The following NAV2 variants were observed in gnomAD, a reference collection of about 807,000 sequenced individuals.
NAV2 encodes the protein helicase, APC down-regulated 1.
NAV2 carries 54 observed loss-of-function variants against 223.2 expected under a neutral mutation model. The observed-to-expected ratio is 0.24, with a 90% confidence interval of 0.19 to 0.30. NAV2 has a LOEUF of 0.30. NAV2 is among the 10% of genes least tolerant of loss of function. The pLI is 1.00. For missense variants in NAV2, 2,806 were observed against 3,147.5 expected (o/e 0.89, Z 2.60); for synonymous variants, 1,279 against 1,239.3 (o/e 1.03, Z -0.67).
intron 1 of NAV2, among the ~76,000 whole-genome samples, chr11:19,553,177 A>C (rs546900339): frequency 1.4e-3 from 209 of 152,232 alleles, no homozygotes; most frequent in Non-Finnish European, 2.5e-3. Context: ...CTTTCAATGC[A>C]TAGCCCCATC....
rs1423003439 is a variant in NAV2 at position 19,746,821 on chromosome 11, T to A, written c.267+32859T>A. 2.0e-5 allele frequency among the ~76,000 whole-genome samples: 3 copies of A among 152,140 alleles called. No homozygotes were observed. In the East Asian group the frequency reaches 5.8e-4, roughly 29 times the overall value. On this transcript the variant is annotated intron_variant, in intron 1 of 37. Transcript: ENST00000349880. ...TGCAAGGGGCTGCAAGATTCTCTCA[T>A]CATGTCTGTCCCGGCTTAAAAAAAA... is the stretch of plus-strand genomic sequence containing the variant.
upstream of NAV2, among the ~76,000 whole-genome samples, chr11:19,347,173 TG>T (rs1278721055): frequency 3.9e-5 from 6 of 152,212 alleles, no homozygotes; most frequent in Admixed American, 2.6e-4. Flanking sequence ...TTGCCAAAGC[TG>T]GGCTCACAAT....
intron 16 of NAV2, among the ~76,000 whole-genome samples, chr11:20,050,462 CT>C (rs1244864487): frequency 1.3e-5 from 2 of 151,670 alleles, no homozygotes; most frequent in African/African-American, 4.8e-5. Flanking sequence ...AATGTACACG[CT>C]TGTGTTTGCC....
chr11:19,568,116 A>T (rs1200508509), intron 1 of NAV2, among the ~76,000 whole-genome samples: 1 of 152,206 alleles, frequency 6.6e-6, no homozygotes, highest in Non-Finnish European at 1.5e-5. Context: ...CAAGTCAGAG[A>T]ACCAGTGCCT....
chr11:19,968,577 A>G (rs1053421430), intron 10 of NAV2, among the ~76,000 whole-genome samples: 3 of 152,222 alleles, frequency 2.0e-5, no homozygotes, highest in African/African-American at 4.8e-5. Flanking sequence ...CTCTCTCAGT[A>G]TGCAGATCCT....
intron 1 of NAV2, among the ~76,000 whole-genome samples, chr11:19,463,935 GTGTC>G (rs1392484660): frequency 2.0e-5 from 3 of 152,172 alleles, no homozygotes; most frequent in South Asian, 4.1e-4. Flanking sequence ...AGGCAGGTGA[GTGTC>G]TGCCATGCTG....
chr11:20,085,146 A>AC (rs1474834104), intron 26 of NAV2, among the ~76,000 whole-genome samples: 27 of 151,642 alleles, frequency 1.8e-4, no homozygotes, highest in African/African-American at 6.3e-4. Context: ...GTGAGCTGTG[A>AC]TCACCCTGTA....
chr11:19,974,054 G>A (rs1172656896), intron 10 of NAV2, among the ~76,000 whole-genome samples: 1 of 152,204 alleles, frequency 6.6e-6, no homozygotes. Context: ...AGGTTAATGT[G>A]GATATTGTCC....
At position 19,853,309 on chromosome 11, in the gene NAV2, TTAAATA is replaced by T. The variant is rs372360282; in HGVS notation, c.438+10389_438+10394del. Among the ~76,000 whole-genome samples the T allele has an allele frequency of 3.9e-5, 6 of 152,354 alleles. No homozygotes were observed. In the East Asian group the frequency reaches 1.2e-3, roughly 29 times the overall value. On this transcript the variant is annotated intron_variant, in intron 3 of 37. Transcript: ENST00000349880. ...GGGATATGACTGAGCAAACATGCATTTAAATATATATTAGTCTGTAAAGTTGTTTCC... is the reference window on the plus strand; with the variant it reads ...GGGATATGACTGAGCAAACATGCATTTATATTAGTCTGTAAAGTTGTTTCC...
chr11:19,360,445 C>T (rs1853868338), intron 1 of NAV2, among the ~76,000 whole-genome samples: 1 of 152,202 alleles, frequency 6.6e-6, no homozygotes, highest in Non-Finnish European at 1.5e-5. Context: ...CAATCTCTCC[C>T]CTGTTGAAAT....
At chr11:19,929,211 C>G (rs542334852) in intron 6 of NAV2, among the ~76,000 whole-genome samples, 24 of 152,222 alleles carry the variant, frequency 1.6e-4, no homozygotes, top group Non-Finnish European at 3.1e-4. Context: ...CAAGATCGAG[C>G]CGCTGCACTG....
intron 1 of NAV2, among the ~76,000 whole-genome samples, chr11:19,642,466 G>C (rs774938105): frequency 1.4e-4 from 21 of 152,154 alleles, no homozygotes; most frequent in Non-Finnish European, 2.6e-4. Flanking sequence ...ATGACCTCAG[G>C]AGTTCCTCCC....
intron 11 of NAV2, among the ~76,000 whole-genome samples, chr11:20,021,571 C>T (rs1280607153): frequency 6.6e-6 from 1 of 152,096 alleles, no homozygotes; most frequent in South Asian, 2.1e-4. Context: ...CCAGGGACAG[C>T]ATAGAAGGTA....
At chr11:20,068,677 G>A (rs531367933) in intron 22 of NAV2, among the ~76,000 whole-genome samples, 2 of 152,222 alleles carry the variant, frequency 1.3e-5, no homozygotes, top group South Asian at 4.2e-4. Context: ...TGCAATATGC[G>A]AAGTGCTTAT....
In NAV2 at chr11:20,045,032, G is replaced by A. The variant is rs375212620; in HGVS notation, c.3264G>A (p.Lys1088=). The A allele has an allele frequency of 2.8e-5, 45 of 1,613,994 alleles. No homozygotes were observed. Among genetic ancestry groups the A allele is most frequent in the East Asian group, 1.1e-4 (5 of 44,878 alleles). ...GRLSPKASQV[K]RSPSDAGRSS... is the part of the protein sequence containing the mutation. ...TTTCTCCTAAAGCCTCCCAGGTGAA[G>A]CGCTCCCCATCAGATGCAGGCCGGA... is the stretch of plus-strand genomic sequence containing the variant. Residue 1088 remains lysine, a synonymous_variant, in exon 14 of 38, where the codon AAG becomes AAA. Transcript: ENST00000349880.
chr11:19,428,224 A>G (rs2133569275), intron 1 of NAV2, among the ~76,000 whole-genome samples: 1 of 152,318 alleles, frequency 6.6e-6, no homozygotes, highest in African/African-American at 2.4e-5. Flanking sequence ...AATATTGGCA[A>G]CGAATTTAAA....
At chr11:19,896,937 T>C (rs965422698) in intron 6 of NAV2, among the ~76,000 whole-genome samples, 27 of 152,086 alleles carry the variant, frequency 1.8e-4, no homozygotes, top group African/African-American at 6.0e-4. Flanking sequence ...TGCACACATA[T>C]GTTTATTGCG....
chr11:19,653,929 G>A (rs1332774164), intron 1 of NAV2, among the ~76,000 whole-genome samples: 1 of 152,142 alleles, frequency 6.6e-6, no homozygotes, highest in Admixed American at 6.5e-5. Context: ...TAGAATCTTA[G>A]GGGTGACCAG....
At chr11:19,370,167 T>A (rs1223371545) in intron 1 of NAV2, among the ~76,000 whole-genome samples, 5 of 152,204 alleles carry the variant, frequency 3.3e-5, no homozygotes, top group Admixed American at 3.3e-4. Context: ...ATTGTGCCAG[T>A]CACCCCTGCG....
Sources: gnomAD v4.1 joint callset for allele counts (sites outside exome capture counted in the v4.1 genomes callset) on GRCh38, gnomAD v4.1.1 for gene constraint, MANE v1.5 for transcripts, NCBI Gene and HGNC (gene_info 2026-07-23, HGNC 2026-07-21) for gene names.